CYP20A1: variants seen among roughly 807,000 people sequenced by gnomAD.
CYP20A1 encodes cytochrome P450 20A1.
CYP20A1 carries 61 observed loss-of-function variants against 61.4 expected under a neutral mutation model. That is an observed-to-expected ratio of 0.99 (90% CI 0.81 to 1.23). The LOEUF (loss-of-function observed/expected upper bound fraction) is 1.23, where lower values mean the gene tolerates loss of function less well. CYP20A1 is among the 50% of genes most tolerant of loss of function. CYP20A1 has a pLI of 0.00. For missense variants in CYP20A1, 530 were observed against 542.4 expected, an observed-to-expected ratio of 0.98 and a Z score of 0.23; for synonymous variants, 193 against 188.2, an observed-to-expected ratio of 1.03 and a Z score of -0.21.
At chr2:203,283,002 C>G (rs1004384631) in intron 8 of CYP20A1, among the ~76,000 whole-genome samples, 1 of 151,868 alleles carries the variant, frequency 6.6e-6, no homozygotes, top group African/African-American at 2.4e-5. Flanking sequence ...GACACAATCT[C>G]TACAAAAAAA....
intron 6 of CYP20A1, among the ~76,000 whole-genome samples, 164 bp from the exon 7 acceptor site, chr2:203,278,406 CAAA>C (rs1251404329): frequency 6.6e-6 from 1 of 151,870 alleles, no homozygotes; most frequent in Non-Finnish European, 1.5e-5. Context: ...TTAAATTTGG[CAAA>C]AAAGGAAGAA....
At chr2:203,291,662 T>C (rs1007906711) in intron 10 of CYP20A1, among the ~76,000 whole-genome samples, 5 of 152,172 alleles carry the variant, frequency 3.3e-5, no homozygotes, top group African/African-American at 7.2e-5. Flanking sequence ...TTTTTTGTTA[T>C]TGTTTTTTAA....
Position 203,278,666 on chromosome 2 carries a change from A to G in CYP20A1, c.773A>G (p.Gln258Arg), listed in dbSNP as rs1236908014. Residue 258 changes from glutamine to arginine, a missense_variant, in exon 7 of 13, where the codon CAA (glutamine) becomes CGA (arginine). Gln to Arg is a conservative substitution (Grantham distance 43). Coordinates refer to ENST00000356079, the MANE Select transcript of CYP20A1 (RefSeq NM_177538.3). ...CATATTTTCATTGACTCCTTAGTACAAGGGAACCTTAATGACCAACAGGTG... is the reference window on the plus strand; with the variant it reads ...CATATTTTCATTGACTCCTTAGTACGAGGGAACCTTAATGACCAACAGGTG... The part of the protein sequence containing the change: ...SQHIFIDSLV[Q>R]GNLNDQQILE... 2.5e-6 allele frequency: 4 copies of G among 1,580,134 alleles called. No individual in the cohort carries two copies. Among genetic ancestry groups the G allele is most frequent in the Non-Finnish European group, 3.4e-6 (4 of 1,160,104 alleles).
chr2:203,282,444 GC>G (rs1185897447), intron 8 of CYP20A1, among the ~76,000 whole-genome samples: 1 of 151,684 alleles, frequency 6.6e-6, no homozygotes, highest in African/African-American at 2.4e-5. Context: ...CCTAACTTGG[GC>G]AATAAAACAA....
At chr2:203,244,227 A>C (rs1053663150) in intron 1 of CYP20A1, among the ~76,000 whole-genome samples, 1 of 151,720 alleles carries the variant, frequency 6.6e-6, no homozygotes, top group Non-Finnish European at 1.5e-5. Flanking sequence ...TTTGAGACAG[A>C]GTCTGACTCT....
At chr2:203,253,255 C>T (rs2066765094) in intron 4 of CYP20A1, among the ~76,000 whole-genome samples, 1 of 152,108 alleles carries the variant, frequency 6.6e-6, no homozygotes. Context: ...GTCCTATAGC[C>T]CCTCTTTAGG....
intron 5 of CYP20A1, among the ~76,000 whole-genome samples, chr2:203,269,279 A>ATTTTTT (rs528970568): frequency 2.4e-5 from 3 of 125,294 alleles, no homozygotes; most frequent in Admixed American, 8.8e-5. Context: ...CCTGTCTCCA[A>ATTTTTT]TTTTTTTTTT....
At chr2:203,296,095 T>A (rs1432710157) in intron 11 of CYP20A1, among the ~76,000 whole-genome samples, 1 of 152,130 alleles carries the variant, frequency 6.6e-6, no homozygotes, top group East Asian at 1.9e-4. Context: ...AGAACCTGTC[T>A]GTACAAAAAA....
intron 1 of CYP20A1, among the ~76,000 whole-genome samples, chr2:203,243,791 G>A (rs1348378088): frequency 2.7e-5 from 4 of 149,792 alleles, no homozygotes; most frequent in Non-Finnish European, 5.9e-5. Flanking sequence ...CCAGGCTCAA[G>A]TGATCCTCCT....
intron 4 of CYP20A1, among the ~76,000 whole-genome samples, chr2:203,263,961 A>G (rs2067234498): frequency 6.6e-6 from 1 of 151,848 alleles, no homozygotes; most frequent in Non-Finnish European, 1.5e-5. Flanking sequence ...TTTTTATTTT[A>G]GCTCTGTTGA....
At position 203,278,600 on chromosome 2, in the gene CYP20A1, G is replaced by A; in HGVS notation, c.707G>A (p.Arg236Lys). 1.2e-6 allele frequency: 2 copies of A among 1,601,016 alleles called. No homozygotes were observed. The highest frequency in any genetic ancestry group is 1.7e-6 in the Non-Finnish European group (2 of 1,173,698). ...CTCATGCAACTGGAGTCTGTTTTAA[G>A]GAACATCATAAAAGAACGAAAAGGA... is the stretch of plus-strand genomic sequence containing the variant. Reference protein sequence around the residue: ...DALMQLESVLRNIIKERKGRN... With the variant: ...DALMQLESVLKNIIKERKGRN... Residue 236 changes from arginine to lysine, a missense_variant, in exon 7 of 13, where the codon AGG becomes AAG. Arg to Lys is a conservative substitution (Grantham distance 26). Transcript: ENST00000356079.
chr2:203,285,490 A>G (rs1398676585), intron 8 of CYP20A1, 122 bp from the exon 9 acceptor site: 10 of 1,107,434 alleles, frequency 9.0e-6, no homozygotes, highest in Admixed American at 3.1e-5. Flanking sequence ...TATATCTTCT[A>G]TATCATGGGA....
At chr2:203,279,446 C>T (rs1307045211) in intron 7 of CYP20A1, among the ~76,000 whole-genome samples, 3 of 152,138 alleles carry the variant, frequency 2.0e-5, no homozygotes, top group Non-Finnish European at 4.4e-5. Context: ...CCTGCTTGAC[C>T]AGGTGTGGCA....
Position 203,305,163 on chromosome 2 carries a change from C to G in CYP20A1, c.*8255C>G, listed in dbSNP as rs576901795. ...AATCACACTCTTCCAGTTCTACTCC[C>G]AATTTAATTGGTTTACAGTTCGGTG... On this transcript the variant is annotated 3_prime_UTR_variant, in exon 13 of 13. Transcript: ENST00000356079. 2.2e-3 allele frequency among the ~76,000 whole-genome samples: 331 copies of G among 150,398 alleles called. 3 individuals are homozygous for G. Among genetic ancestry groups the G allele is most frequent in the Non-Finnish European group, 2.8e-3 (189 of 67,746 alleles).
rs980944051 is a variant in CYP20A1, at chr2:203,257,327, A to T, written c.432+5218A>T. The stretch of plus-strand genomic sequence containing the variant: ...TGTGAGACACTGTCTCAAAAAAAAA[A>T]AAAAAAATTCCATTTGGTCAGTTTG... On this transcript the variant is annotated intron_variant, in intron 4 of 12. Coordinates refer to ENST00000356079, the MANE Select transcript of CYP20A1 (RefSeq NM_177538.3). Among the ~76,000 whole-genome samples, 90 of 152,006 alleles carry T rather than the reference A, an allele frequency of 5.9e-4. 6 individuals carry two copies. Among genetic ancestry groups the T allele is most frequent in the Admixed American group, 2.0e-4 (3 of 15,220 alleles).
In CYP20A1 at chr2:203,275,542, C is replaced by T. The variant is rs1041414351; in HGVS notation, c.679+2794C>T. 1.1e-4 allele frequency among the ~76,000 whole-genome samples: 17 copies of T among 151,828 alleles called. 1 individual carries two copies. The highest frequency in any genetic ancestry group is 7.7e-4 in the East Asian group (4 of 5,182). ...GCAACCTCTGCCTCCCGGGTTCAAACGATTCTCGGGCCTCAGCCTCCCAAG... is the reference window on the plus strand; with the variant it reads ...GCAACCTCTGCCTCCCGGGTTCAAATGATTCTCGGGCCTCAGCCTCCCAAG... On this transcript the variant is annotated intron_variant, in intron 6 of 12. Coordinates refer to ENST00000356079, the MANE Select transcript of CYP20A1 (RefSeq NM_177538.3).
chr2:203,263,497 C>T (rs1343515657), intron 4 of CYP20A1, among the ~76,000 whole-genome samples: 1 of 151,814 alleles, frequency 6.6e-6, no homozygotes, highest in Non-Finnish European at 1.5e-5. Flanking sequence ...ACCATGTTGG[C>T]CAGGATGGCC....
chr2:203,256,383 G>C (rs1013218579), intron 4 of CYP20A1, among the ~76,000 whole-genome samples: 2 of 151,856 alleles, frequency 1.3e-5, no homozygotes, highest in Non-Finnish European at 2.9e-5. Context: ...TTTTTGAGAT[G>C]GAGTCTCGCT....
intron 4 of CYP20A1, among the ~76,000 whole-genome samples, chr2:203,254,576 C>T (rs1335270231): frequency 4.6e-5 from 7 of 151,604 alleles, no homozygotes; most frequent in Non-Finnish European, 8.8e-5. Context: ...GTTATCATTC[C>T]GGTGTTTTGT....
Sources: allele counts gnomAD v4.1 joint callset (sites outside exome capture counted in the v4.1 genomes callset), GRCh38; gene constraint gnomAD v4.1.1; transcripts MANE v1.5; gene names NCBI Gene and HGNC (gene_info 2026-07-23, HGNC 2026-07-21).